Variants in UBE2QL1 observed in about 807,000 individuals in gnomAD.
UBE2QL1 encodes the protein ubiquitin conjugating enzyme E2 QL1.
UBE2QL1 carries 5 observed loss-of-function variants against 12.6 expected under a neutral mutation model. That is an observed-to-expected ratio of 0.40 (90% CI 0.21 to 0.83). The LOEUF is 0.83. Ranked by LOEUF, UBE2QL1 falls within the 40% of genes least tolerant of loss-of-function variation. The probability of loss-of-function intolerance (pLI) is 0.37; values close to 1 mark genes in which losing one functional copy is unlikely to be tolerated. For missense variants in UBE2QL1, 99 were observed against 222.6 expected, an observed-to-expected ratio of 0.44 and a Z score of 3.53; for synonymous variants, 96 against 94.5, an observed-to-expected ratio of 1.02 and a Z score of -0.10.
At chr5:6,462,102 C>T (rs145435345) in intron 1 of UBE2QL1, among the ~76,000 whole-genome samples, 158 of 152,310 alleles carry the variant, frequency 1.0e-3, no homozygotes, top group African/African-American at 3.6e-3. Context: ...CAGACCACCC[C>T]ATGCTGTCTC....
rs142061308 is a variant in UBE2QL1, at chr5:6,476,067, A to C, written c.355-15151A>C. ...CACTGAAATGGCTCAGAACACTTTCAGGACTTCAAAATCAGGGTGGGGTAT... is the reference window on the plus strand; with the variant it reads ...CACTGAAATGGCTCAGAACACTTTCCGGACTTCAAAATCAGGGTGGGGTAT... On this transcript the variant is annotated intron_variant, in intron 1 of 1. Coordinates refer to ENST00000399816, the MANE Select transcript of UBE2QL1 (RefSeq NM_001145161.3). The surrounding 1 kb of genome is among the most constrained non-coding windows in gnomAD (Gnocchi z 4.9). Among the ~76,000 whole-genome samples the C allele has an allele frequency of 1.3e-5, 2 of 152,336 alleles. No individual in the cohort carries two copies. Among genetic ancestry groups the C allele is most frequent in the Non-Finnish European group, 2.9e-5 (2 of 68,026 alleles).
At chr5:6,454,808 C>T (rs1739484877) in intron 1 of UBE2QL1, among the ~76,000 whole-genome samples, 1 of 152,120 alleles carries the variant, frequency 6.6e-6, no homozygotes, top group Non-Finnish European at 1.5e-5. Flanking sequence ...TTATGAGTCA[C>T]TGTGTTGTGT....
intron 1 of UBE2QL1, among the ~76,000 whole-genome samples, chr5:6,464,637 G>A (rs1293854033): frequency 6.6e-6 from 1 of 152,222 alleles, no homozygotes; most frequent in East Asian, 1.9e-4. Context: ...GTAACATGCT[G>A]GCAGCCAGCA....
chr5:6,466,761 T>C (rs1472529925), intron 1 of UBE2QL1, among the ~76,000 whole-genome samples: 1 of 152,260 alleles, frequency 6.6e-6, no homozygotes. Context: ...CGGCCCTACA[T>C]ACATCATGTG....
chr5:6,485,094 A>C (rs963701300), intron 1 of UBE2QL1, among the ~76,000 whole-genome samples: 2 of 152,136 alleles, frequency 1.3e-5, no homozygotes, highest in Non-Finnish European at 2.9e-5. Flanking sequence ...ACAAACACAC[A>C]AATGAACACA....
In UBE2QL1 at chr5:6,460,913, T is replaced by C. The variant is rs145550969; in HGVS notation, c.354+11666T>C. Among the ~76,000 whole-genome samples, 438 of 152,292 alleles carry C rather than the reference T, an allele frequency of 2.9e-3. 1 individual carries two copies. The highest frequency in any genetic ancestry group is 9.7e-3 in the African/African-American group (402 of 41,558). On this transcript the variant is annotated intron_variant, in intron 1 of 1. Transcript: ENST00000399816. ...TCTTGGCTACCATTTTGTTTCAAGG[T>C]GAAAAACCGGTTCATAAATCAAATT...
At chr5:6,464,467 A>G (rs1195871500) in intron 1 of UBE2QL1, among the ~76,000 whole-genome samples, 1 of 152,192 alleles carries the variant, frequency 6.6e-6, no homozygotes, top group African/African-American at 2.4e-5. Flanking sequence ...CCTGTGTCTG[A>G]TTAGGTTCTG....
chr5:6,460,083 T>A (rs906463138), intron 1 of UBE2QL1, among the ~76,000 whole-genome samples: 1 of 152,180 alleles, frequency 6.6e-6, no homozygotes, highest in African/African-American at 2.4e-5. Context: ...GTCTCAGTTC[T>A]CTGGTGTTAT....
intron 1 of UBE2QL1, among the ~76,000 whole-genome samples, chr5:6,449,591 T>G (rs1268934292): frequency 6.6e-6 from 1 of 151,824 alleles, no homozygotes; most frequent in Non-Finnish European, 1.5e-5. Flanking sequence ...TTCCTTAGCC[T>G]CCCTCTCCCA....
rs1321616122 is a variant in UBE2QL1, at chr5:6,496,386, C to T, written c.*5037C>T. On this transcript the variant is annotated 3_prime_UTR_variant, in exon 2 of 2. Coordinates refer to ENST00000399816, the MANE Select transcript of UBE2QL1 (RefSeq NM_001145161.3). ...TGTGCTTGGTTTCATTCCTGCCTGC[C>T]TTCTCTACAACGTGACTTCATTTCA... Among the ~76,000 whole-genome samples the T allele has an allele frequency of 6.6e-6, 1 of 152,204 alleles. No homozygotes were observed. Among genetic ancestry groups the T allele is most frequent in the African/African-American group, 2.4e-5 (1 of 41,434 alleles).
chr5:6,462,910 A>G (rs973274671), intron 1 of UBE2QL1, among the ~76,000 whole-genome samples: 4 of 152,378 alleles, frequency 2.6e-5, no homozygotes, highest in Admixed American at 2.6e-4. Flanking sequence ...AACAAAAATA[A>G]TAGTGTGCAA....
At position 6,479,309 on chromosome 5, in the gene UBE2QL1, G is replaced by A. The variant is rs1734312990; in HGVS notation, c.355-11909G>A. On this transcript the variant is annotated intron_variant, in intron 1 of 1. Transcript: ENST00000399816. This position sits in a 1 kb window ranked among gnomAD's most constrained non-coding sequence, Gnocchi z 4.2. Reference sequence around the variant, plus strand: ...CATGGAACGCTGAGGAAGACCAACTGTGCAGGGAAAAGAGCTGGCCGGATT... The same window carrying A: ...CATGGAACGCTGAGGAAGACCAACTATGCAGGGAAAAGAGCTGGCCGGATT... Among the ~76,000 whole-genome samples, 1 of 152,176 alleles carries A rather than the reference G, an allele frequency of 6.6e-6. No homozygotes were observed. The highest frequency in any genetic ancestry group is 6.5e-5 in the Admixed American group (1 of 15,282).
intron 1 of UBE2QL1, among the ~76,000 whole-genome samples, chr5:6,453,227 A>G (rs1739444671): frequency 6.6e-6 from 1 of 152,234 alleles, no homozygotes; most frequent in African/African-American, 2.4e-5. Flanking sequence ...TCACAGAGTC[A>G]GGTGGAGTTT....
chr5:6,487,826 T>A (rs1734493221), intron 1 of UBE2QL1, among the ~76,000 whole-genome samples: 2 of 152,210 alleles, frequency 1.3e-5, no homozygotes, highest in South Asian at 4.1e-4. Flanking sequence ...GAAGGATGAA[T>A]GGCAATTCCC....
At chr5:6,456,370 C>CT (rs1167976873) in intron 1 of UBE2QL1, among the ~76,000 whole-genome samples, 1 of 152,134 alleles carries the variant, frequency 6.6e-6, no homozygotes, top group Non-Finnish European at 1.5e-5. Context: ...AAACACTCTA[C>CT]TTAAGGGTGA....
At chr5:6,491,128 C>A in intron 1 of UBE2QL1, 90 bp from the exon 2 acceptor site, 1 of 1,390,760 alleles carries the variant, frequency 7.2e-7, no homozygotes, top group South Asian at 1.5e-5. Context: ...CATCAGAAAT[C>A]CCCACGACTC....
Position 6,495,587 on chromosome 5 carries a change from C to T in UBE2QL1, c.*4238C>T, listed in dbSNP as rs1734652812. Among the ~76,000 whole-genome samples the T allele has an allele frequency of 6.6e-6, 1 of 152,172 alleles. No homozygotes were observed. Among genetic ancestry groups the T allele is most frequent in the South Asian group, 2.1e-4 (1 of 4,828 alleles). On this transcript the variant is annotated 3_prime_UTR_variant, in exon 2 of 2. Transcript: ENST00000399816. ...GCCCTCACCAAACACACACTCTTCA[C>T]CCCATCATTGAATCAGTACAGTTGC...
rs1734279910 is a variant in UBE2QL1, at chr5:6,478,191, A to G, written c.355-13027A>G. Among the ~76,000 whole-genome samples the G allele has an allele frequency of 6.6e-6, 1 of 152,196 alleles. No individual in the cohort carries two copies. The highest frequency in any genetic ancestry group is 2.4e-5 in the African/African-American group (1 of 41,442). On this transcript the variant is annotated intron_variant, in intron 1 of 1. Coordinates refer to ENST00000399816, the MANE Select transcript of UBE2QL1 (RefSeq NM_001145161.3). The surrounding 1 kb of genome is among the most constrained non-coding windows in gnomAD (Gnocchi z 4.5). ...TTTTCACACGGAAATTTTACCTGAA[A>G]ATATATCTGAAGACTTCCAGTGGTT... is the stretch of plus-strand genomic sequence containing the variant.
chr5:6,454,728 A>G (rs930882891), intron 1 of UBE2QL1, among the ~76,000 whole-genome samples: 1 of 152,138 alleles, frequency 6.6e-6, no homozygotes, highest in Non-Finnish European at 1.5e-5. Flanking sequence ...CTAGAGCAAA[A>G]ATAGTGACTG....
Sources: gnomAD v4.1 joint callset for allele counts (sites outside exome capture counted in the v4.1 genomes callset) on GRCh38, gnomAD v4.1.1 for gene constraint, Gnocchi (gnomAD v3.1) non-coding constraint, MANE v1.5 for transcripts, NCBI Gene and HGNC (gene_info 2026-07-23, HGNC 2026-07-21) for gene names.